Variants in CLIC5 observed in about 807,000 individuals in gnomAD.
The protein encoded by CLIC5 is chloride intracellular channel protein 5.
Under a neutral mutation model 24.7 loss-of-function variants are expected in CLIC5, and 20 were observed. The observed-to-expected ratio is 0.81, with a 90% confidence interval of 0.57 to 1.18. CLIC5 has a LOEUF of 1.18. Ranked by LOEUF, CLIC5 falls within the 50% of genes most tolerant of loss-of-function variation. CLIC5 has a pLI of 0.00. For synonymous variants in CLIC5, 159 were observed against 135.6 expected, an observed-to-expected ratio of 1.17 and a Z score of -1.20; for missense variants, 341 against 326.1, an observed-to-expected ratio of 1.05 and a Z score of -0.35.
intron 1 of CLIC5, among the ~76,000 whole-genome samples, chr6:46,024,117 T>C (rs1166593542): frequency 1.3e-5 from 2 of 152,288 alleles, no homozygotes; most frequent in African/African-American, 4.8e-5. Flanking sequence ...ATGTAGAATA[T>C]TTTGAGGGAA....
chr6:45,981,051 G>T (rs773315289), intron 1 of CLIC5, among the ~76,000 whole-genome samples: 1 of 151,926 alleles, frequency 6.6e-6, no homozygotes, highest in Non-Finnish European at 1.5e-5. Flanking sequence ...GCTCACTGCA[G>T]CCTCAACCTC....
At chr6:45,929,102 G>T (rs997199260) in intron 4 of CLIC5, among the ~76,000 whole-genome samples, 1 of 151,804 alleles carries the variant, frequency 6.6e-6, no homozygotes, top group Middle Eastern at 3.4e-3. Context: ...GCCCACCCAC[G>T]CAGGGCCCAG....
chr6:45,973,509 G>GTT (rs1329831486), intron 1 of CLIC5, among the ~76,000 whole-genome samples: 1 of 152,048 alleles, frequency 6.6e-6, no homozygotes, highest in Non-Finnish European at 1.5e-5. Flanking sequence ...GTTTTTGTTT[G>GTT]TTTGTTTGTT....
At chr6:46,035,309 A>G (rs141138053) in intron 1 of CLIC5, among the ~76,000 whole-genome samples, 133 of 152,368 alleles carry the variant, frequency 8.7e-4, no homozygotes, top group African/African-American at 2.9e-3. Context: ...AAAGAAACTA[A>G]GAGAGCAGAA....
chr6:46,065,119 G>A (rs900954732), intron 1 of CLIC5, among the ~76,000 whole-genome samples: 11 of 152,098 alleles, frequency 7.2e-5, no homozygotes, highest in African/African-American at 2.4e-4. Flanking sequence ...TATTTGAATA[G>A]GTGCTTCACC....
intron 3 of CLIC5, among the ~76,000 whole-genome samples, chr6:45,942,256 T>C (rs1764157026): frequency 6.6e-6 from 1 of 152,210 alleles, no homozygotes; most frequent in Non-Finnish European, 1.5e-5. Context: ...GTGTTTTCAA[T>C]TGTTTTATTT....
At chr6:46,014,853 A>G (rs935211588) in intron 1 of CLIC5, 2 of 152,222 alleles carry the variant, frequency 1.3e-5, no homozygotes, top group Non-Finnish European at 2.9e-5. Flanking sequence ...CCCTACTACC[A>G]AACGCCTAAC....
rs142412071 is a variant in CLIC5 at position 45,997,975 on chromosome 6, C to A, written c.63+17505G>T. On this transcript the variant is annotated intron_variant, in intron 1 of 5. Transcript: ENST00000339561. ...AAAAATTCCCCAGAGAGGCCAAGTG[C>A]CTTGATCAAGGGTGTAGGGGAGTCA... Among the ~76,000 whole-genome samples, 22 of 152,352 alleles carry A rather than the reference C, an allele frequency of 1.4e-4. 1 individual carries two copies. The East Asian group carries it at 4.2e-3, about 29-fold the overall frequency.
rs1762491237 is a variant in CLIC5, at chr6:45,900,789, A to T, written c.*2299T>A. On this transcript the variant is annotated 3_prime_UTR_variant, in exon 6 of 6. Coordinates refer to ENST00000339561, the MANE Select transcript of CLIC5 (RefSeq NM_016929.5). ...GTCTTAATATATTTATCTCTGTAAAACTAGCTCAACCACAGAAGGGACATC... is the reference window on the plus strand; with the variant it reads ...GTCTTAATATATTTATCTCTGTAAATCTAGCTCAACCACAGAAGGGACATC... The T allele has an allele frequency of 6.6e-6, 1 of 152,150 alleles. No individual in the cohort carries two copies. The highest frequency in any genetic ancestry group is 2.4e-5 in the African/African-American group (1 of 41,430). The allele number at this position is 152,150 out of a possible 1,614,324, so 9.4% of individuals were successfully genotyped here. A position where few individuals can be genotyped will look rare whatever the true frequency, so the allele number is the denominator to read the frequency against.
At chr6:46,003,748 G>A (rs1054063489) in intron 1 of CLIC5, among the ~76,000 whole-genome samples, 1 of 152,166 alleles carries the variant, frequency 6.6e-6, no homozygotes, top group Non-Finnish European at 1.5e-5. Flanking sequence ...TTAAATTACA[G>A]GTATCTGGGA....
At chr6:46,121,504 T>C in the CLIC5 span, among the ~76,000 whole-genome samples, 1 of 152,228 alleles carries the variant, frequency 6.6e-6, no homozygotes, top group South Asian at 2.1e-4. Flanking sequence ...CCATTGATGC[T>C]AGGAAGAAAC....
intron 1 of CLIC5, chr6:46,014,856 C>T (rs1258670135): frequency 1.3e-5 from 2 of 152,232 alleles, no homozygotes; most frequent in East Asian, 1.9e-4. Context: ...TACTACCAAA[C>T]GCCTAACATT....
intron 1 of CLIC5, among the ~76,000 whole-genome samples, chr6:46,032,611 A>T (rs778384109): frequency 6.6e-6 from 1 of 152,186 alleles, no homozygotes. Context: ...CCAACCCCCC[A>T]TATGAAGTCA....
chr6:45,958,439 T>TACACACACACACACAC (rs1764727891), intron 1 of CLIC5, among the ~76,000 whole-genome samples: 1 of 12,394 alleles, frequency 8.1e-5, no homozygotes, highest in African/African-American at 2.4e-4. Flanking sequence ...TATATATATA[T>TACACACACACACACAC]ATATATATAT....
intron 1 of CLIC5, among the ~76,000 whole-genome samples, chr6:46,051,964 G>A (rs1398499397): frequency 1.3e-5 from 2 of 152,198 alleles, no homozygotes; most frequent in East Asian, 1.9e-4. Context: ...GGTGTGAGTG[G>A]TATTTAGGAC....
At chr6:45,926,385 C>T (rs900693107) in intron 4 of CLIC5, among the ~76,000 whole-genome samples, 1 of 151,180 alleles carries the variant, frequency 6.6e-6, no homozygotes, top group African/African-American at 2.4e-5. Flanking sequence ...GTAGCTGGGA[C>T]TACAGGCACC....
chr6:45,910,572 T>A (rs1439201385), intron 5 of CLIC5, among the ~76,000 whole-genome samples: 2 of 152,232 alleles, frequency 1.3e-5, no homozygotes, highest in African/African-American at 4.8e-5. Flanking sequence ...GAGTTACCAT[T>A]AATATTTATT....
Position 45,955,163 on chromosome 6 carries a change from A to G in CLIC5, c.145T>C (p.Phe49Leu). The change falls in exon 2 of 6, where the codon TTC becomes CTC. Residue 49 changes from phenylalanine to leucine, a missense_variant. Physicochemically the swap from Phe to Leu is conservative, Grantham distance 22. Coordinates refer to ENST00000339561, the MANE Select transcript of CLIC5 (RefSeq NM_016929.5). ...TTCAGATCCACAGTGGTGACATTGA[A>G]CACGACTCCTTTCAGCCAGAGGATC... is the stretch of plus-strand genomic sequence containing the variant. The part of the protein sequence containing the change: ...FMILWLKGVV[F>L]NVTTVDLKRK... 2.5e-6 allele frequency: 4 copies of G among 1,613,802 alleles called. No individual in the cohort carries two copies. Among genetic ancestry groups the G allele is most frequent in the Non-Finnish European group, 3.4e-6 (4 of 1,179,722 alleles).
intron 1 of CLIC5, among the ~76,000 whole-genome samples, chr6:45,996,080 A>G (rs1008758564): frequency 2.6e-5 from 4 of 151,696 alleles, no homozygotes; most frequent in Non-Finnish European, 4.4e-5. Context: ...ATGTTTACCT[A>G]TGTAACAAAC....
Sources: allele counts gnomAD v4.1 joint callset (sites outside exome capture counted in the v4.1 genomes callset), GRCh38; gene constraint gnomAD v4.1.1; transcripts MANE v1.5; gene names NCBI Gene and HGNC (gene_info 2026-07-23, HGNC 2026-07-21).